The following AMMECR1 variants were observed in gnomAD, a reference collection of about 807,000 sequenced individuals.
AMMECR1 encodes the protein AMMECR nuclear protein 1.
Under a neutral mutation model 22.5 loss-of-function variants are expected in AMMECR1, and 3 were observed. The ratio of observed to expected loss-of-function variants is 0.13; its 90% CI spans 0.06 to 0.35. The LOEUF is 0.35. Among genes scored for constraint, AMMECR1 ranks in the 10% least tolerant of loss-of-function variants. AMMECR1 has a pLI of 1.00. For missense variants in AMMECR1, 235 were observed against 278.7 expected (o/e 0.84, Z 1.12); for synonymous variants, 130 against 116.7 (o/e 1.11, Z -0.74).
intron 2 of AMMECR1, among the ~76,000 whole-genome samples, chrX:110,371,837 G>T (rs2068340784): frequency 9.0e-6 from 1 of 111,041 alleles, no homozygotes; most frequent in South Asian, 3.9e-4. Context: ...GTCTCAGGGT[G>T]GTAAGTGCTC....
At chrX:110,313,256 T>A (rs950634110) in intron 1 of AMMECR1, among the ~76,000 whole-genome samples, 20 of 112,374 alleles carry the variant, frequency 1.8e-4, no homozygotes, top group East Asian at 5.5e-4. Flanking sequence ...TGGATTTTTT[T>A]AAAATACATT....
chrX:110,322,421 A>C (rs1247696664), upstream of AMMECR1, among the ~76,000 whole-genome samples: 4 of 111,901 alleles, frequency 3.6e-5, no homozygotes, highest in Admixed American at 3.8e-4. Flanking sequence ...TCTTTTTAAA[A>C]GAAGAATTCA....
At chrX:110,401,562 G>T (rs1372661087) in intron 2 of AMMECR1, among the ~76,000 whole-genome samples, 2 of 111,784 alleles carry the variant, frequency 1.8e-5, no homozygotes, top group Non-Finnish European at 3.8e-5. Flanking sequence ...CGGGAGGCAT[G>T]TAGGTGTTTC....
At chrX:110,261,767 CT>C (rs1199172765) in intron 2 of AMMECR1, among the ~76,000 whole-genome samples, 26 of 111,343 alleles carry the variant, frequency 2.3e-4, no homozygotes, top group African/African-American at 7.2e-4. Flanking sequence ...TTTATAGTAA[CT>C]TGCTTTCAAG....
intron 1 of AMMECR1, among the ~76,000 whole-genome samples, chrX:110,435,686 G>A (rs1235116012): frequency 9.0e-6 from 1 of 111,444 alleles, no homozygotes; most frequent in Non-Finnish European, 1.9e-5. Flanking sequence ...GACACCTTGA[G>A]GACTTCTACT....
intron 1 of AMMECR1, among the ~76,000 whole-genome samples, chrX:110,428,606 C>G (rs1049630430): frequency 8.1e-5 from 9 of 111,254 alleles, no homozygotes; most frequent in East Asian, 2.8e-4. Flanking sequence ...ACACTCCCCC[C>G]CTCTCCAAGA....
intron 2 of AMMECR1, among the ~76,000 whole-genome samples, chrX:110,341,781 T>G (rs2068165258): frequency 1.8e-5 from 2 of 112,677 alleles, no homozygotes; most frequent in African/African-American, 3.2e-5. Flanking sequence ...AATGAAAATG[T>G]AGGCCAGGCT....
intron 2 of AMMECR1, among the ~76,000 whole-genome samples, chrX:110,416,462 G>A (rs2068678345): frequency 9.0e-6 from 1 of 111,629 alleles, no homozygotes; most frequent in South Asian, 3.8e-4. Flanking sequence ...TATGACAGGT[G>A]GGAAAATGGA....
intron 2 of AMMECR1, among the ~76,000 whole-genome samples, chrX:110,395,341 T>C (rs1005158692): frequency 7.1e-5 from 8 of 112,156 alleles, no homozygotes; most frequent in African/African-American, 2.3e-4. Context: ...CTCATGTCTT[T>C]TTCCCTCTTC....
chrX:110,418,231 A>G (rs1051184451), intron 2 of AMMECR1, among the ~76,000 whole-genome samples: 2 of 112,265 alleles, frequency 1.8e-5, no homozygotes, highest in African/African-American at 6.5e-5. Context: ...GGTCTAACAC[A>G]TTTTTGTCAA....
chrX:110,289,431 T>C (rs1398266357), intron 1 of AMMECR1, among the ~76,000 whole-genome samples: 1 of 112,119 alleles, frequency 8.9e-6, no homozygotes, highest in African/African-American at 3.2e-5. Flanking sequence ...CAAAATTTAA[T>C]TACATCAATG....
chrX:110,245,035 A>T (rs747922293), intron 2 of AMMECR1, among the ~76,000 whole-genome samples: 28 of 112,085 alleles, frequency 2.5e-4, no homozygotes, highest in African/African-American at 8.4e-4. Flanking sequence ...ATATTTTTTT[A>T]AAAAGCCAGA....
upstream of AMMECR1, among the ~76,000 whole-genome samples, chrX:110,319,506 C>G (rs895844389): frequency 5.3e-5 from 6 of 112,186 alleles, no homozygotes; most frequent in Admixed American, 3.7e-4. Flanking sequence ...CCAGGGCGTA[C>G]TCAGGAAGTA....
intron 1 of AMMECR1, chrX:110,309,236 T>C (rs2068013125): frequency 8.9e-6 from 1 of 111,920 alleles, no homozygotes; most frequent in Admixed American, 9.4e-5. Context: ...TTTCAGAGAC[T>C]CCATTCCATA....
At chrX:110,254,973 T>C (rs1181392160) in intron 2 of AMMECR1, among the ~76,000 whole-genome samples, 1 of 111,871 alleles carries the variant, frequency 8.9e-6, no homozygotes, top group East Asian at 2.8e-4. Flanking sequence ...AATGGCAGTG[T>C]CTGTCTGTTC....
At chrX:110,386,110 G>A (rs902253748) in intron 2 of AMMECR1, among the ~76,000 whole-genome samples, 2 of 110,884 alleles carry the variant, frequency 1.8e-5, no homozygotes, top group African/African-American at 6.5e-5. Flanking sequence ...AAGTTTTTGT[G>A]TAAAGATATG....
In AMMECR1 at chrX:110,239,880, G is replaced by A. The variant is rs190157238; in HGVS notation, c.585-23248C>T. Reference sequence around the variant, plus strand: ...TCGGCAGAAACCCCACAAGCCAGAAGAGAGTGGGGGCCAATATTCATTCAA... The same window carrying A: ...TCGGCAGAAACCCCACAAGCCAGAAAAGAGTGGGGGCCAATATTCATTCAA... On this transcript the variant is annotated intron_variant, in intron 2 of 5. Transcript: ENST00000262844. Among the ~76,000 whole-genome samples, 603 of 112,080 alleles carry A rather than the reference G, an allele frequency of 5.4e-3. 4 individuals are homozygous for A. Among genetic ancestry groups the A allele is most frequent in the African/African-American group, 0.018 (565 of 30,808 alleles).
chrX:110,318,542 AG>A (rs2068066046), upstream of AMMECR1, among the ~76,000 whole-genome samples: 1 of 110,341 alleles, frequency 9.1e-6, no homozygotes, highest in African/African-American at 3.3e-5. Context: ...CAGGTCCCAA[AG>A]CACAGCTCAG....
chrX:110,379,768 T>TAA (rs1384267949), intron 2 of AMMECR1, among the ~76,000 whole-genome samples: 1 of 112,224 alleles, frequency 8.9e-6, no homozygotes, highest in Admixed American at 9.4e-5. Context: ...ACCGATGAAC[T>TAA]AAAATTCAGG....
Sources: gnomAD v4.1 joint callset for allele counts (sites outside exome capture counted in the v4.1 genomes callset) on GRCh38, gnomAD v4.1.1 for gene constraint, MANE v1.5 for transcripts, NCBI Gene and HGNC (gene_info 2026-07-23, HGNC 2026-07-21) for gene names.